The following RELN variants were observed in gnomAD, a reference collection of about 807,000 sequenced individuals.
The protein encoded by RELN is reelin.
In RELN, 108 loss-of-function variants were observed where a neutral mutation model predicts 427.6. The observed-to-expected ratio is 0.25, with a 90% CI of 0.22 to 0.30. The LOEUF (loss-of-function observed/expected upper bound fraction) is 0.30, where lower values mean the gene tolerates loss of function less well. RELN is among the 10% of genes least tolerant of loss of function. RELN has a pLI of 1.00. For synonymous variants in RELN, 1,524 were observed against 1,513.4 expected (o/e 1.01, Z -0.16); for missense variants, 3,715 against 4,302.8 (o/e 0.86, Z 3.82).
intron 10 of RELN, among the ~76,000 whole-genome samples, chr7:103,687,774 T>TA (rs1363177289): frequency 6.6e-5 from 10 of 152,112 alleles, no homozygotes; most frequent in Non-Finnish European, 1.2e-4. Context: ...AATAAATAAA[T>TA]AAGGCAAAAG....
chr7:103,512,892 A>C (rs1262432715), intron 50 of RELN: 1 of 152,226 alleles, frequency 6.6e-6, no homozygotes, highest in Non-Finnish European at 1.5e-5. Flanking sequence ...GGATCCAGAG[A>C]AAAGACCAGA....
At chr7:103,583,342 A>T (rs1272870744) in intron 28 of RELN, among the ~76,000 whole-genome samples, 4 of 152,268 alleles carry the variant, frequency 2.6e-5, no homozygotes, top group Admixed American at 2.6e-4. Context: ...ATCCCCTCTC[A>T]TGTATCTACA....
At chr7:103,660,223 T>G (rs949130978) in intron 12 of RELN, among the ~76,000 whole-genome samples, 13 of 152,024 alleles carry the variant, frequency 8.6e-5, no homozygotes, top group African/African-American at 3.1e-4. Context: ...ATACTAAATG[T>G]TTATTACAAC....
chr7:103,760,089 C>T (rs551269211), intron 4 of RELN, among the ~76,000 whole-genome samples: 66 of 138,126 alleles, frequency 4.8e-4, no homozygotes, highest in Middle Eastern at 4.5e-3. Context: ...CTGTCATACA[C>T]GAATGCTTTT....
chr7:103,582,526 T>A (rs995671745), intron 28 of RELN, among the ~76,000 whole-genome samples: 1 of 152,232 alleles, frequency 6.6e-6, no homozygotes, highest in African/African-American at 2.4e-5. Flanking sequence ...AGATAGCTGG[T>A]GTTTAAAGAT....
At chr7:103,889,321 T>C (rs890448762) in intron 2 of RELN, among the ~76,000 whole-genome samples, 4 of 152,198 alleles carry the variant, frequency 2.6e-5, no homozygotes, top group African/African-American at 9.6e-5. Flanking sequence ...TGGCAAGAAG[T>C]TGGCCAATTC....
intron 50 of RELN, among the ~76,000 whole-genome samples, chr7:103,511,799 G>C (rs2117065965): frequency 6.6e-6 from 1 of 152,264 alleles, no homozygotes; most frequent in East Asian, 1.9e-4. Context: ...ATTTGTGATT[G>C]TGCCACTGCA....
At chr7:103,771,443 A>AT (rs1461146657) in intron 4 of RELN, among the ~76,000 whole-genome samples, 3 of 151,842 alleles carry the variant, frequency 2.0e-5, no homozygotes, top group African/African-American at 7.3e-5. Flanking sequence ...CATCTCCCTA[A>AT]TGAATGCATT....
intron 8 of RELN, among the ~76,000 whole-genome samples, chr7:103,716,540 C>T (rs139022370): frequency 0.01 from 1,555 of 152,250 alleles, 23 homozygotes; most frequent in African/African-American, 0.036. Flanking sequence ...TAACAATGCC[C>T]ATGGATTTCA....
At chr7:103,802,281 T>C (rs1792486676) in intron 3 of RELN, among the ~76,000 whole-genome samples, 1 of 152,178 alleles carries the variant, frequency 6.6e-6, no homozygotes, top group East Asian at 1.9e-4. Context: ...GTGCTAAAGT[T>C]TATCATTTTC....
At chr7:103,929,086 T>G (rs1447671318) in intron 1 of RELN, among the ~76,000 whole-genome samples, 3 of 152,208 alleles carry the variant, frequency 2.0e-5, no homozygotes, top group Non-Finnish European at 4.4e-5. Context: ...CCTGCTCTTT[T>G]CTGACTGCCT....
chr7:103,494,428 G>A (rs771548944), intron 57 of RELN, among the ~76,000 whole-genome samples: 1 of 145,858 alleles, frequency 6.9e-6, no homozygotes, highest in Admixed American at 7.0e-5. Flanking sequence ...TAGCTGGAGT[G>A]CAGTAGTGGG....
At chr7:103,480,931 C>T (rs1349196785) in intron 63 of RELN, among the ~76,000 whole-genome samples, 1 of 152,130 alleles carries the variant, frequency 6.6e-6, no homozygotes, top group Non-Finnish European at 1.5e-5. Context: ...ATGACAAATT[C>T]TTCAAAGTAT....
At chr7:103,612,262 A>T (rs1831976880) in intron 20 of RELN, among the ~76,000 whole-genome samples, 1 of 152,124 alleles carries the variant, frequency 6.6e-6, no homozygotes, top group African/African-American at 2.4e-5. Flanking sequence ...TATCTTTCAA[A>T]TACTTATAGA....
intron 1 of RELN, among the ~76,000 whole-genome samples, chr7:103,978,579 G>T (rs28673333): frequency 3.9e-5 from 6 of 152,210 alleles, no homozygotes; most frequent in African/African-American, 1.4e-4. Flanking sequence ...AAACTTGTTC[G>T]GATGAGCAAA....
intron 31 of RELN, 85 bp from the exon 32 acceptor site, chr7:103,566,844 A>C: frequency 4.5e-6 from 6 of 1,324,122 alleles, no homozygotes; most frequent in Non-Finnish European, 6.5e-6. Context: ...AGACTGCAGC[A>C]ACCTCAAATT....
At position 103,539,175 on chromosome 7, in the gene RELN, G is replaced by A; in HGVS notation, c.7083C>T (p.Ser2361=). Residue 2361 remains serine, a synonymous_variant, in exon 45 of 65, where the codon AGC becomes AGT. Transcript: ENST00000428762. ...GDALVFIEKA[S]TRYVVSTDVA... is the part of the protein sequence containing the mutation. ...CGTCTGTGCTGACCACGTAACGGGTGCTGGCCTTTTCAATGAAGACCAGGG... is the reference window on the plus strand; with the variant it reads ...CGTCTGTGCTGACCACGTAACGGGTACTGGCCTTTTCAATGAAGACCAGGG... 2 of 1,614,242 alleles carry A rather than the reference G, an allele frequency of 1.2e-6. No homozygotes were observed. The highest frequency in any genetic ancestry group is 1.1e-5 in the South Asian group (1 of 91,080).
At chr7:103,749,365 A>G in intron 6 of RELN, 61 bp downstream of exon 6, 1 of 1,248,994 alleles carries the variant, frequency 8.0e-7, no homozygotes, top group Non-Finnish European at 1.2e-6. Flanking sequence ...TCCTTAAAGG[A>G]GCAGTCAGCA....
At chr7:103,596,972 T>C (rs1453205570) in intron 24 of RELN, among the ~76,000 whole-genome samples, 2 of 152,170 alleles carry the variant, frequency 1.3e-5, no homozygotes, top group African/African-American at 2.4e-5. Flanking sequence ...CTCTGAATCC[T>C]TACTTTGCAT....
Sources: gnomAD v4.1 joint callset for allele counts (sites outside exome capture counted in the v4.1 genomes callset) on GRCh38, gnomAD v4.1.1 for gene constraint, MANE v1.5 for transcripts, NCBI Gene and HGNC (gene_info 2026-07-23, HGNC 2026-07-21) for gene names.